ELOVL4: variants seen among roughly 807,000 people sequenced by gnomAD.
ELOVL4 encodes very long chain fatty acid elongase 4.
Under a neutral mutation model 42.1 loss-of-function variants are expected in ELOVL4, and 18 were observed. The observed-to-expected ratio is 0.43, with a 90% CI of 0.30 to 0.63. The LOEUF is 0.63. Among genes scored for constraint, ELOVL4 ranks in the 30% least tolerant of loss-of-function variants. The pLI is 0.15. For missense variants in ELOVL4, 299 were observed against 376.2 expected (o/e 0.79, Z 1.70); for synonymous variants, 117 against 127.0 (o/e 0.92, Z 0.53).
In ELOVL4 at chr6:79,916,513, AC is replaced by A. The variant is rs878964537; in HGVS notation, c.*94del. The A allele has an allele frequency of 4.7e-6, 7 of 1,480,160 alleles. No individual in the cohort carries two copies. The South Asian group carries it at 6.9e-5, about 15-fold the overall frequency. 91.7% of individuals were successfully genotyped at this position (1,480,160 alleles called of 1,614,324 possible). On this transcript the variant is annotated 3_prime_UTR_variant, in exon 6 of 6. Transcript: ENST00000369816. ...TAGAGCACATTTGTCTTTTCTCCCC[AC>A]CCCCAAGCTCTCCTTTGCTTCTGTT...
intron 1 of ELOVL4, among the ~76,000 whole-genome samples, chr6:79,938,848 T>C (rs2127701799): frequency 6.6e-6 from 1 of 152,272 alleles, no homozygotes; most frequent in African/African-American, 2.4e-5. Context: ...GAAACACAGA[T>C]TACAGGCCTG....
intron 1 of ELOVL4, among the ~76,000 whole-genome samples, chr6:79,940,932 C>T (rs771172630): frequency 6.6e-6 from 1 of 152,098 alleles, no homozygotes; most frequent in Non-Finnish European, 1.5e-5. Context: ...TCAAAACAGA[C>T]GCTTAAATAT....
chr6:79,935,759 A>G lies in ELOVL4; in HGVS notation c.101-9378T>C, dbSNP rs1267860214. Among the ~76,000 whole-genome samples, 3 of 152,228 alleles carry G rather than the reference A, an allele frequency of 2.0e-5. No individual in the cohort carries two copies. The South Asian group carries it at 6.2e-4, about 32-fold the overall frequency. ...ATAATTAAATCTAAATACATCTAGCATTTGATTTTTACATTAATAACTTAA... is the reference window on the plus strand; with the variant it reads ...ATAATTAAATCTAAATACATCTAGCGTTTGATTTTTACATTAATAACTTAA... On this transcript the variant is annotated intron_variant, in intron 1 of 5. Coordinates refer to ENST00000369816, the MANE Select transcript of ELOVL4 (RefSeq NM_022726.4).
Position 79,914,863 on chromosome 6 carries a change from G to C in ELOVL4, c.*1745C>G, listed in dbSNP as rs1774130443. 1 of 152,470 alleles carries C rather than the reference G, an allele frequency of 6.6e-6. No homozygotes were observed. The highest frequency in any genetic ancestry group is 2.4e-5 in the African/African-American group (1 of 41,400). 9.4% of individuals were successfully genotyped at this position (152,470 alleles called of 1,614,324 possible). A position where few individuals can be genotyped will look rare whatever the true frequency, so the allele number is the denominator to read the frequency against. ...TATTGTGCTGAAATCAGGTAGCAGG[G>C]AATGAATAGCTCTTGGGAACCAGTA... On this transcript the variant is annotated 3_prime_UTR_variant, in exon 6 of 6. Transcript: ENST00000369816.
At chr6:79,921,043 T>C in intron 4 of ELOVL4, among the ~76,000 whole-genome samples, 1 of 152,190 alleles carries the variant, frequency 6.6e-6, no homozygotes, top group Non-Finnish European at 1.5e-5. Context: ...ACTAGACCCG[T>C]TCCCCATCAA....
chr6:79,927,533 C>T (rs554239113), intron 1 of ELOVL4, among the ~76,000 whole-genome samples: 1 of 152,018 alleles, frequency 6.6e-6, no homozygotes, highest in Admixed American at 6.5e-5. Flanking sequence ...ATTAAAATAC[C>T]TTACTTAAAA....
intron 3 of ELOVL4, among the ~76,000 whole-genome samples, chr6:79,924,244 T>A (rs1774307450): frequency 6.6e-6 from 1 of 152,178 alleles, no homozygotes; most frequent in African/African-American, 2.4e-5. Flanking sequence ...TTCCTAAATA[T>A]TCCACACTTC....
intron 1 of ELOVL4, among the ~76,000 whole-genome samples, chr6:79,938,133 A>C (rs942607631): frequency 1.3e-5 from 2 of 152,234 alleles, no homozygotes; most frequent in African/African-American, 4.8e-5. Flanking sequence ...ATCTCGAGAG[A>C]GAGAGCTGAA....
intron 1 of ELOVL4, among the ~76,000 whole-genome samples, chr6:79,930,269 T>C (rs912964684): frequency 2.6e-5 from 4 of 152,190 alleles, no homozygotes; most frequent in Admixed American, 2.6e-4. Flanking sequence ...GTTTTCAGCC[T>C]ATAAAAGGCC....
Position 79,916,639 on chromosome 6 carries a change from T to C in ELOVL4, c.914A>G (p.Lys305Arg). The change falls in exon 6 of 6, where the codon AAG becomes AGG. Residue 305 changes from lysine (K) to arginine (R), a missense_variant. Transcript: ENST00000369816. Reference protein sequence around the residue: ...EKQLMIENGKKQKNGKAKGD With the variant: ...EKQLMIENGKRQKNGKAKGD Reference sequence around the variant, plus strand: ...TCCTTTTGCTTTTCCATTTTTCTGCTTTTTTCCATTTTCTATCATGAGTTG... The same window carrying C: ...TCCTTTTGCTTTTCCATTTTTCTGCCTTTTTCCATTTTCTATCATGAGTTG... The C allele has an allele frequency of 2.5e-6, 4 of 1,614,182 alleles. No homozygotes were observed. The highest frequency in any genetic ancestry group is 3.4e-6 in the Non-Finnish European group (4 of 1,180,014).
At chr6:79,947,029 G>C in intron 1 of ELOVL4, 151 bp downstream of exon 1, 3 of 676,786 alleles carry the variant, frequency 4.4e-6, no homozygotes, top group Non-Finnish European at 7.8e-6. Context: ...GTGCTCAACC[G>C]CAGTGCCCGC....
intron 1 of ELOVL4, among the ~76,000 whole-genome samples, chr6:79,939,178 A>C (rs1774598424): frequency 6.6e-6 from 1 of 152,226 alleles, no homozygotes; most frequent in South Asian, 2.1e-4. Context: ...ATTTTACTTT[A>C]AATTGAAAAA....
intron 1 of ELOVL4, among the ~76,000 whole-genome samples, chr6:79,932,226 A>G (rs1774457132): frequency 1.3e-5 from 2 of 152,138 alleles, no homozygotes; most frequent in African/African-American, 4.8e-5. Flanking sequence ...CAATTTTACT[A>G]TTTGCGTATT....
At chr6:79,928,516 T>C (rs80246554) in intron 1 of ELOVL4, among the ~76,000 whole-genome samples, 4,978 of 152,072 alleles carry the variant, frequency 0.033, 119 homozygotes, top group Non-Finnish European at 0.05. Flanking sequence ...TACAGTGTGG[T>C]ATGCTGTATC....
Position 79,923,748 on chromosome 6 carries a change from T to G in ELOVL4, c.369+1204A>C, listed in dbSNP as rs189590732. ...CACCCCTGTCCCCAGTACCAACATA[T>G]AGTAGATGCTCAATACATATTTAAT... On this transcript the variant is annotated intron_variant, in intron 3 of 5. Coordinates refer to ENST00000369816, the MANE Select transcript of ELOVL4 (RefSeq NM_022726.4). 5.3e-3 allele frequency among the ~76,000 whole-genome samples: 812 copies of G among 152,234 alleles called. 9 individuals are homozygous for G. Among genetic ancestry groups the G allele is most frequent in the Non-Finnish European group, 8.1e-3 (551 of 68,018 alleles).
intron 3 of ELOVL4, among the ~76,000 whole-genome samples, chr6:79,923,662 A>C (rs561569436): frequency 2.6e-5 from 4 of 152,146 alleles, no homozygotes; most frequent in Non-Finnish European, 5.9e-5. Context: ...ATTTGTTTAC[A>C]TGGCTGCTGT....
chr6:79,932,788 T>C (rs1348845154), intron 1 of ELOVL4, among the ~76,000 whole-genome samples: 2 of 152,174 alleles, frequency 1.3e-5, no homozygotes, highest in Non-Finnish European at 2.9e-5. Context: ...ACATGAGAAT[T>C]CAACTGCTAT....
At chr6:79,916,918 T>G (rs1234578694) in intron 5 of ELOVL4, 35 bp from the exon 6 acceptor site, 65 of 1,613,148 alleles carry the variant, frequency 4.0e-5, no homozygotes, top group Non-Finnish European at 5.3e-5. Flanking sequence ...AAACATTTAA[T>G]CTGAATAGTA....
intron 3 of ELOVL4, among the ~76,000 whole-genome samples, chr6:79,923,553 T>C (rs1238930122): frequency 6.6e-6 from 1 of 152,188 alleles, no homozygotes; most frequent in Admixed American, 6.5e-5. Context: ...AGAGATTCTT[T>C]GGCAATAGTT....
Sources: gnomAD v4.1 joint callset for allele counts (sites outside exome capture counted in the v4.1 genomes callset) on GRCh38, gnomAD v4.1.1 for gene constraint, MANE v1.5 for transcripts, NCBI Gene and HGNC (gene_info 2026-07-23, HGNC 2026-07-21) for gene names.